The following MMP26 variants were observed in gnomAD, a reference collection of about 807,000 sequenced individuals.
MMP26 encodes matrix metalloproteinase-26.
MMP26 carries 33 observed loss-of-function variants against 31.0 expected under a neutral mutation model. That is an observed-to-expected ratio of 1.06 (90% CI 0.81 to 1.42). The LOEUF (loss-of-function observed/expected upper bound fraction) is 1.42, where lower values mean the gene tolerates loss of function less well. Ranked by LOEUF, MMP26 falls within the 40% of genes most tolerant of loss-of-function variation. The pLI is 0.00. For synonymous variants in MMP26, 122 were observed against 114.9 expected, an observed-to-expected ratio of 1.06 and a Z score of -0.40; for missense variants, 347 against 316.1, an observed-to-expected ratio of 1.10 and a Z score of -0.74.
chr11:4,706,481 G>A (rs1847778918), intron 1 of MMP26, among the ~76,000 whole-genome samples: 1 of 150,740 alleles, frequency 6.6e-6, no homozygotes, highest in East Asian at 2.0e-4. Flanking sequence ...GGCGAGCTGA[G>A]GCAGGAGGAT....
At chr11:4,816,122 T>C (rs1849416546) in intron 2 of MMP26, among the ~76,000 whole-genome samples, 1 of 152,240 alleles carries the variant, frequency 6.6e-6, no homozygotes, top group Non-Finnish European at 1.5e-5. Context: ...TGATTTTTTA[T>C]CAACCTGTTG....
intron 2 of MMP26, among the ~76,000 whole-genome samples, chr11:4,791,400 T>C (rs7942773): frequency 0.015 from 2,328 of 152,244 alleles, 68 homozygotes; most frequent in African/African-American, 0.053. Context: ...TTAAGAGAGT[T>C]TTACTAACTT....
intron 2 of MMP26, among the ~76,000 whole-genome samples, chr11:4,953,456 T>C (rs1342831356): frequency 8.3e-6 from 1 of 120,714 alleles, no homozygotes; most frequent in African/African-American, 2.8e-5. Flanking sequence ...ATATTAAGTA[T>C]AATAAAGAAT....
intron 2 of MMP26, among the ~76,000 whole-genome samples, chr11:4,932,824 TTACTTAC>T (rs1382432033): frequency 6.6e-6 from 1 of 152,266 alleles, no homozygotes; most frequent in East Asian, 1.9e-4. Context: ...CCTTTTGGCA[TTACTTAC>T]TACTCTTCTC....
At chr11:4,910,721 C>G (rs1162754111) in intron 2 of MMP26, among the ~76,000 whole-genome samples, 3 of 152,076 alleles carry the variant, frequency 2.0e-5, no homozygotes, top group Non-Finnish European at 2.9e-5. Flanking sequence ...ATACATATGT[C>G]TGCACATCTT....
intron 2 of MMP26, among the ~76,000 whole-genome samples, chr11:4,961,360 T>C (rs1376236189): frequency 6.6e-6 from 1 of 152,212 alleles, no homozygotes; most frequent in African/African-American, 2.4e-5. Context: ...GCTGATTCGA[T>C]GGTGCCCAGC....
intron 1 of MMP26, among the ~76,000 whole-genome samples, chr11:4,732,096 ATGAC>A (rs1040135702): frequency 2.5e-4 from 38 of 152,322 alleles, no homozygotes; most frequent in Non-Finnish European, 4.7e-4. Flanking sequence ...GAGCAGTAAA[ATGAC>A]TGGTCATTAC....
intron 2 of MMP26, among the ~76,000 whole-genome samples, chr11:4,975,579 A>T (rs552020394): frequency 6.6e-6 from 1 of 152,052 alleles, no homozygotes; most frequent in Non-Finnish European, 1.5e-5. Context: ...AGTGTATTTA[A>T]TGTTAAAATT....
At chr11:4,792,806 G>T (rs1221519391) in intron 2 of MMP26, among the ~76,000 whole-genome samples, 1 of 152,204 alleles carries the variant, frequency 6.6e-6, no homozygotes, top group Non-Finnish European at 1.5e-5. Flanking sequence ...GACATACAGA[G>T]AAAAGAAGAA....
chr11:4,918,775 G>C (rs895568071), intron 2 of MMP26, among the ~76,000 whole-genome samples: 1 of 152,156 alleles, frequency 6.6e-6, no homozygotes, highest in African/African-American at 2.4e-5. Flanking sequence ...TTGAATGACT[G>C]TTCTGATTCT....
chr11:4,839,156 A>G (rs1053734787), intron 2 of MMP26, among the ~76,000 whole-genome samples: 2 of 152,146 alleles, frequency 1.3e-5, no homozygotes, highest in African/African-American at 4.8e-5. Flanking sequence ...AGCCATAATC[A>G]GAGGGGAATC....
intron 2 of MMP26, among the ~76,000 whole-genome samples, chr11:4,798,677 G>C (rs11033914): frequency 6.6e-6 from 1 of 151,924 alleles, no homozygotes; most frequent in Non-Finnish European, 1.5e-5. Context: ...GGAGGAAGTG[G>C]GTATGATGAG....
intron 2 of MMP26, among the ~76,000 whole-genome samples, chr11:4,979,959 C>A (rs1486509723): frequency 6.6e-6 from 1 of 151,968 alleles, no homozygotes; most frequent in Non-Finnish European, 1.5e-5. Flanking sequence ...TACCCTCTGT[C>A]ATGATATAGA....
intron 2 of MMP26, chr11:4,794,233 A>C (rs10742385): frequency 0.37 from 55,866 of 151,690 alleles, 11,313 homozygotes; most frequent in African/African-American, 0.51. Flanking sequence ...ATGAAGCAAA[A>C]GGGCTCATTC....
chr11:4,907,886 C>T (rs1850925805), intron 2 of MMP26: 2 of 1,613,920 alleles, frequency 1.2e-6, no homozygotes, highest in Admixed American at 1.7e-5. Flanking sequence ...TCAAAAGAAT[C>T]TTCTTTCTCA....
intron 2 of MMP26, among the ~76,000 whole-genome samples, chr11:4,870,078 G>A (rs1198912714): frequency 2.0e-5 from 3 of 152,034 alleles, no homozygotes. Context: ...GTTGTGGGAT[G>A]GGGGGATTGG....
intron 2 of MMP26, among the ~76,000 whole-genome samples, chr11:4,895,923 A>G (rs1247259233): frequency 6.6e-6 from 1 of 152,190 alleles, no homozygotes; most frequent in Non-Finnish European, 1.5e-5. Flanking sequence ...TCTTGGGGAA[A>G]AAGTACAAGG....
At chr11:4,722,967 G>A in intron 1 of MMP26, 1 of 808,038 alleles carries the variant, frequency 1.2e-6, no homozygotes, top group Non-Finnish European at 2.2e-6. Flanking sequence ...CTCATGTTCT[G>A]CATCCCAGAC....
intron 2 of MMP26, among the ~76,000 whole-genome samples, chr11:4,839,292 C>A (rs574446723): frequency 6.6e-6 from 1 of 151,926 alleles, no homozygotes; most frequent in African/African-American, 2.4e-5. Context: ...CAAACGAGTC[C>A]TGTTGCTGAA....
Sources: gnomAD v4.1 joint callset for allele counts (sites outside exome capture counted in the v4.1 genomes callset) on GRCh38, gnomAD v4.1.1 for gene constraint, MANE v1.5 for transcripts, NCBI Gene and HGNC (gene_info 2026-07-23, HGNC 2026-07-21) for gene names.